The following ARPP21 variants were observed in gnomAD, a reference collection of about 807,000 sequenced individuals.
The protein encoded by ARPP21 is cAMP-regulated phosphoprotein 21.
In ARPP21, 69 loss-of-function variants were observed where a neutral mutation model predicts 113.2. The ratio of observed to expected loss-of-function variants is 0.61; its 90% CI spans 0.50 to 0.74. ARPP21 has a LOEUF of 0.74. ARPP21 is among the 30% of genes least tolerant of loss of function. The probability of loss-of-function intolerance (pLI) is 0.00; values close to 1 mark genes in which losing one functional copy is unlikely to be tolerated. For synonymous variants in ARPP21, 368 were observed against 375.5 expected (o/e 0.98, Z 0.23); for missense variants, 1,070 against 1,037.4 (o/e 1.03, Z -0.43).
At chr3:35,717,536 A>T (rs1032027256) in intron 13 of ARPP21, among the ~76,000 whole-genome samples, 179 bp downstream of exon 13, 64 of 152,062 alleles carry the variant, frequency 4.2e-4, no homozygotes, top group African/African-American at 1.5e-3. Context: ...GAGATATGAG[A>T]CTGGAAATCT....
chr3:35,657,411 A>G (rs760792907), intron 1 of ARPP21, among the ~76,000 whole-genome samples: 2 of 152,280 alleles, frequency 1.3e-5, no homozygotes, highest in African/African-American at 4.8e-5. Flanking sequence ...CTAGCCAGGG[A>G]TCTGATCAGG....
At chr3:35,691,973 G>A (rs2082369153) in intron 9 of ARPP21, among the ~76,000 whole-genome samples, 2 of 151,514 alleles carry the variant, frequency 1.3e-5, no homozygotes, top group Admixed American at 1.3e-4. Context: ...GGACAAGTGG[G>A]GATGGAGATG....
At chr3:35,707,537 T>A (rs963607760) in intron 10 of ARPP21, 1 of 457,984 alleles carries the variant, frequency 2.2e-6, no homozygotes, top group East Asian at 6.9e-5. Flanking sequence ...ACAAACCTTG[T>A]TATGGTGAGG....
At chr3:35,651,168 A>G (rs1004715914) in intron 1 of ARPP21, among the ~76,000 whole-genome samples, 3 of 152,272 alleles carry the variant, frequency 2.0e-5, no homozygotes, top group East Asian at 1.9e-4. Context: ...TCTGTAGGTC[A>G]TCTGAAGGAT....
intron 19 of ARPP21, among the ~76,000 whole-genome samples, chr3:35,762,126 T>TCTCTCACACACA (rs1424526664): frequency 7.9e-6 from 1 of 126,956 alleles, no homozygotes; most frequent in African/African-American, 2.8e-5. Context: ...TCTCTCTCTC[T>TCTCTCACACACA]CACACACACA....
chr3:35,769,797 G>A (rs991262896), intron 19 of ARPP21, among the ~76,000 whole-genome samples: 1 of 152,108 alleles, frequency 6.6e-6, no homozygotes, highest in African/African-American at 2.4e-5. Context: ...CGTAACTAAA[G>A]CCATACTATC....
At chr3:35,676,016 T>A (rs2077401319) in intron 1 of ARPP21, among the ~76,000 whole-genome samples, 1 of 151,920 alleles carries the variant, frequency 6.6e-6, no homozygotes, top group Non-Finnish European at 1.5e-5. Context: ...TATATTAATT[T>A]GCTTATTTTT....
At chr3:35,744,733 T>A (rs1403529524) in intron 19 of ARPP21, among the ~76,000 whole-genome samples, 1 of 152,186 alleles carries the variant, frequency 6.6e-6, no homozygotes, top group East Asian at 1.9e-4. Flanking sequence ...AAGTAGGTCA[T>A]GTAAAGAGCA....
At chr3:35,717,448 C>A in intron 13 of ARPP21, 91 bp downstream of exon 13, 1 of 813,332 alleles carries the variant, frequency 1.2e-6, no homozygotes, top group Non-Finnish European at 2.1e-6. Flanking sequence ...TAAAATATAT[C>A]TGTTCATTTA....
intron 19 of ARPP21, among the ~76,000 whole-genome samples, chr3:35,754,034 T>A (rs1181725871): frequency 6.6e-6 from 1 of 151,658 alleles, no homozygotes; most frequent in Non-Finnish European, 1.5e-5. Flanking sequence ...CACCTTGATT[T>A]TTTTGCTCCT....
At chr3:35,703,026 A>C (rs1030939936) in intron 9 of ARPP21, among the ~76,000 whole-genome samples, 1 of 151,820 alleles carries the variant, frequency 6.6e-6, no homozygotes, top group African/African-American at 2.4e-5. Flanking sequence ...ATACGTATAC[A>C]TATTGGTAAC....
intron 14 of ARPP21, among the ~76,000 whole-genome samples, chr3:35,726,600 G>C (rs531851915): frequency 2.0e-5 from 3 of 152,102 alleles, no homozygotes; most frequent in African/African-American, 2.4e-5. Flanking sequence ...TTTTCCCTCA[G>C]GTAAGGGAAG....
At chr3:35,748,071 A>AAGGGAGGAAGG (rs1559837078) in intron 19 of ARPP21, among the ~76,000 whole-genome samples, 1 of 94,268 alleles carries the variant, frequency 1.1e-5, no homozygotes, top group Non-Finnish European at 2.0e-5. Flanking sequence ...AGGAAGGAAG[A>AAGGGAGGAAGG]AAGAAAGAAA....
At chr3:35,639,288 G>A (rs566091958), upstream of ARPP21, among the ~76,000 whole-genome samples, 15 of 152,198 alleles carry the variant, frequency 9.9e-5, 1 homozygote, top group African/African-American at 3.6e-4. This position sits in a 1 kb window ranked among gnomAD's most constrained non-coding sequence, Gnocchi z 5.0. Context: ...AGTTCTGGAT[G>A]CTCCCAGTGG....
intron 1 of ARPP21, among the ~76,000 whole-genome samples, chr3:35,655,869 G>A (rs1704612156): frequency 6.6e-6 from 1 of 151,952 alleles, no homozygotes; most frequent in South Asian, 2.1e-4. Context: ...GATTCAGCAG[G>A]TCTGTGATGG....
chr3:35,754,265 A>G (rs1339462316), intron 19 of ARPP21, among the ~76,000 whole-genome samples: 3 of 151,982 alleles, frequency 2.0e-5, no homozygotes, highest in Non-Finnish European at 4.4e-5. Context: ...TGTAATTTTT[A>G]TTTGAGGAAA....
At position 35,793,793 on chromosome 3, in the gene ARPP21, A is replaced by T. The variant is rs1466151154; in HGVS notation, c.2379A>T (p.Pro793=). ...ACCAGGCAGGTCAAGGGTCACTCCC[A>T]GCCACTGGAATGCCTGTTTACTGTA... ...LPNQAGQGSL[P]ATGMPVYCNV... is the part of the protein sequence containing the mutation. The change falls in exon 21 of 21, where the codon CCA becomes CCT. Residue 793 remains proline, a synonymous_variant. Transcript: ENST00000684406. The T allele has an allele frequency of 1.9e-6, 3 of 1,614,162 alleles. No homozygotes were observed. Among genetic ancestry groups the T allele is most frequent in the Middle Eastern group, 3.3e-4 (2 of 6,060 alleles).
chr3:35,696,896 A>G (rs1322951869), intron 9 of ARPP21, among the ~76,000 whole-genome samples: 1 of 150,798 alleles, frequency 6.6e-6, no homozygotes, highest in Non-Finnish European at 1.5e-5. Context: ...TCTCTCTTTT[A>G]CTCATTTTCT....
intron 15 of ARPP21, among the ~76,000 whole-genome samples, chr3:35,730,004 T>A (rs1386573986): frequency 6.6e-6 from 1 of 152,234 alleles, no homozygotes; most frequent in African/African-American, 2.4e-5. Flanking sequence ...CTCTAGAAGT[T>A]GCTTTTTAAC....
Sources: allele counts gnomAD v4.1 joint callset (sites outside exome capture counted in the v4.1 genomes callset), GRCh38; gene constraint gnomAD v4.1.1; non-coding constraint Gnocchi (gnomAD v3.1); transcripts MANE v1.5; gene names NCBI Gene and HGNC (gene_info 2026-07-23, HGNC 2026-07-21).